Variants in DGKG observed in about 807,000 individuals in gnomAD.
DGKG encodes the protein DAG kinase gamma.
A neutral mutation model predicts 105.3 loss-of-function variants in DGKG; 78 were observed. The ratio of observed to expected loss-of-function variants is 0.74; its 90% confidence interval spans 0.62 to 0.89. The LOEUF is 0.89. Among genes scored for constraint, DGKG ranks in the 40% least tolerant of loss-of-function variants. The pLI is 0.00. For synonymous variants in DGKG, 346 were observed against 367.1 expected (o/e 0.94, Z 0.66); for missense variants, 958 against 1,020.1 (o/e 0.94, Z 0.83).
At chr3:186,235,368 T>C (rs1472055716) in intron 20 of DGKG, among the ~76,000 whole-genome samples, 1 of 152,248 alleles carries the variant, frequency 6.6e-6, no homozygotes, top group African/African-American at 2.4e-5. Flanking sequence ...TCTGGACCTC[T>C]GGCTACCTAC....
At chr3:186,348,367 C>CT (rs1303442403) in intron 1 of DGKG, among the ~76,000 whole-genome samples, 4,310 of 48,128 alleles carry the variant, frequency 0.09, 141 homozygotes, top group Non-Finnish European at 0.13. Context: ...TTGCTGGGTG[C>CT]TTTTTTTTTT....
At chr3:186,360,001 T>C (rs1202360045) in intron 1 of DGKG, among the ~76,000 whole-genome samples, 2 of 151,890 alleles carry the variant, frequency 1.3e-5, no homozygotes, top group Non-Finnish European at 2.9e-5. Flanking sequence ...GGGGAGGAGA[T>C]GGGGCCAGCA....
At chr3:186,161,539 C>T in intron 24 of DGKG, 64 bp downstream of exon 24, 3 of 1,611,404 alleles carry the variant, frequency 1.9e-6, no homozygotes, top group South Asian at 2.2e-5. Context: ...CATATTAAGT[C>T]AGTGCCCAAA....
At chr3:186,234,244 G>T (rs1720304238) in intron 20 of DGKG, among the ~76,000 whole-genome samples, 1 of 152,176 alleles carries the variant, frequency 6.6e-6, no homozygotes, top group Non-Finnish European at 1.5e-5. Context: ...TCTTCTTTGG[G>T]TGAAACAATT....
intron 19 of DGKG, among the ~76,000 whole-genome samples, chr3:186,243,933 G>A (rs1041000750): frequency 2.3e-5 from 2 of 88,726 alleles, no homozygotes; most frequent in South Asian, 3.6e-4. Flanking sequence ...TTTTGCTCTT[G>A]TCGCCCAGGC....
chr3:186,224,538 C>T (rs974182982), intron 20 of DGKG, among the ~76,000 whole-genome samples: 25 of 152,132 alleles, frequency 1.6e-4, no homozygotes, highest in Non-Finnish European at 2.8e-4. Context: ...CCAATGAATT[C>T]GGTAAAATAT....
chr3:186,230,468 A>G (rs1339416483), intron 20 of DGKG, among the ~76,000 whole-genome samples: 1 of 152,030 alleles, frequency 6.6e-6, no homozygotes, highest in Non-Finnish European at 1.5e-5. Context: ...CTGTGTGGGG[A>G]AGGTGAGAGT....
intron 1 of DGKG, among the ~76,000 whole-genome samples, chr3:186,328,357 A>G (rs548180170): frequency 6.6e-6 from 1 of 152,308 alleles, no homozygotes; most frequent in African/African-American, 2.4e-5. Context: ...GAAGTGGTGC[A>G]GATATGTCCA....
At chr3:186,152,958 G>A (rs1345955212) in intron 24 of DGKG, among the ~76,000 whole-genome samples, 2 of 115,694 alleles carry the variant, frequency 1.7e-5, no homozygotes, top group Non-Finnish European at 3.5e-5. Flanking sequence ...TGCCGCGCCC[G>A]GCCTTTTTTT....
chr3:186,295,218 A>G (rs917886420), intron 5 of DGKG, among the ~76,000 whole-genome samples: 1 of 152,182 alleles, frequency 6.6e-6, no homozygotes, highest in Non-Finnish European at 1.5e-5. Context: ...CATTTAAAAT[A>G]TAGGCTGGGC....
At position 186,302,490 on chromosome 3, in the gene DGKG, A is replaced by G. The variant is rs1476217476; in HGVS notation, c.145-4261T>C. Among the ~76,000 whole-genome samples the G allele has an allele frequency of 2.2e-3, 22 of 10,014 alleles. 1 individual carries two copies. Among genetic ancestry groups the G allele is most frequent in the South Asian group, 0.016 (8 of 490 alleles). 6.6% of individuals were successfully genotyped at this position (10,014 alleles called of 152,430 possible). On this transcript the variant is annotated intron_variant, in intron 3 of 24. Transcript: ENST00000265022. ...TATATATATATATATATATATATAT[A>G]TATATATATATATATACATATGTGT...
intron 2 of DGKG, among the ~76,000 whole-genome samples, chr3:186,318,671 G>T (rs181914808): frequency 1.5e-4 from 23 of 152,248 alleles, no homozygotes; most frequent in African/African-American, 5.3e-4. Flanking sequence ...TCACGTGAGG[G>T]CATGCAGGGA....
At chr3:186,355,242 A>G (rs11919016) in intron 1 of DGKG, among the ~76,000 whole-genome samples, 101 of 151,310 alleles carry the variant, frequency 6.7e-4, no homozygotes, top group African/African-American at 2.4e-3. Context: ...AACTACCATC[A>G]CCGCTACCAC....
chr3:186,288,214 G>A (rs926564205), intron 6 of DGKG, among the ~76,000 whole-genome samples: 3 of 152,158 alleles, frequency 2.0e-5, no homozygotes, highest in African/African-American at 7.2e-5. Context: ...GTGGCGGGGG[G>A]GCATAGGTAG....
chr3:186,163,618 G>T (rs1010334168), intron 23 of DGKG, among the ~76,000 whole-genome samples: 1 of 152,140 alleles, frequency 6.6e-6, no homozygotes, highest in African/African-American at 2.4e-5. Flanking sequence ...GTGGCATTTT[G>T]GCTCTTGAGG....
At position 186,348,451 on chromosome 3, in the gene DGKG, C is replaced by CTTTTTTTT. The variant is rs1159516433; in HGVS notation, c.-249+13487_-249+13494dup. 3.0e-3 allele frequency among the ~76,000 whole-genome samples: 153 copies of CTTTTTTTT among 50,698 alleles called. 1 individual carries two copies. Among genetic ancestry groups the CTTTTTTTT allele is most frequent in the African/African-American group, 0.011 (147 of 13,928 alleles). The allele number at this position is 50,698 out of a possible 152,430, so 33.3% of individuals were successfully genotyped here. A position where few individuals can be genotyped will look rare whatever the true frequency, so the allele number is the denominator to read the frequency against. On this transcript the variant is annotated intron_variant, in intron 1 of 24. Transcript: ENST00000265022. ...TGAATAGAGAATTCTGGCTCATAAT[C>CTTTTTTTT]TTTTTTTTTTTTTTTTTTTTGAGAT...
chr3:186,237,049 T>A (rs759370208), intron 20 of DGKG, among the ~76,000 whole-genome samples: 1 of 152,170 alleles, frequency 6.6e-6, no homozygotes, highest in Non-Finnish European at 1.5e-5. Context: ...GGTGGGCTGG[T>A]TTTTGGCTAT....
At chr3:186,304,699 C>A (rs1223194825) in intron 3 of DGKG, among the ~76,000 whole-genome samples, 1 of 152,238 alleles carries the variant, frequency 6.6e-6, no homozygotes, top group African/African-American at 2.4e-5. Flanking sequence ...ATGTTAGCCA[C>A]TTTGCAAAGA....
rs34226259 is a variant in DGKG, at chr3:186,209,093, C to CTTTTTTTTTTTTTTT, written c.1917+2687_1917+2701dup. Among the ~76,000 whole-genome samples, 181 of 89,780 alleles carry CTTTTTTTTTTTTTTT rather than the reference C, an allele frequency of 2.0e-3. 5 individuals carry two copies. Among genetic ancestry groups the CTTTTTTTTTTTTTTT allele is most frequent in the African/African-American group, 8.6e-3 (179 of 20,744 alleles). 58.9% of individuals were successfully genotyped at this position (89,780 alleles called of 152,430 possible). The stretch of plus-strand genomic sequence containing the variant: ...TTTTCTCTCCCTTCAGTTTACTCTT[C>CTTTTTTTTTTTTTTT]TTTTTTTTTTTTTTTTTTTTTTTAA... On this transcript the variant is annotated intron_variant, in intron 21 of 24. Transcript: ENST00000265022.
Sources: gnomAD v4.1 joint callset for allele counts (sites outside exome capture counted in the v4.1 genomes callset) on GRCh38, gnomAD v4.1.1 for gene constraint, MANE v1.5 for transcripts, NCBI Gene and HGNC (gene_info 2026-07-23, HGNC 2026-07-21) for gene names.